The following MECOM variants were observed in gnomAD, a reference collection of about 807,000 sequenced individuals.
The protein encoded by MECOM is histone-lysine N-methyltransferase MECOM.
A neutral mutation model predicts 116.3 loss-of-function variants in MECOM; 13 were observed. That is an observed-to-expected ratio of 0.11 (90% CI 0.07 to 0.18). The LOEUF (loss-of-function observed/expected upper bound fraction) is 0.18. Ranked by LOEUF, MECOM falls within the 10% of genes least tolerant of loss-of-function variation. The pLI is 1.00. For missense variants in MECOM, 1,299 were observed against 1,509.0 expected (o/e 0.86, Z 2.31); for synonymous variants, 528 against 535.2 (o/e 0.99, Z 0.19).
chr3:169,590,984 GA>G (rs1232788004), intron 1 of MECOM, among the ~76,000 whole-genome samples: 1 of 152,220 alleles, frequency 6.6e-6, no homozygotes, highest in Non-Finnish European at 1.5e-5. Flanking sequence ...ATCTGCTTTA[GA>G]ATTGATGGAG....
chr3:169,429,542 A>G (rs1741261801), intron 1 of MECOM, among the ~76,000 whole-genome samples: 1 of 152,184 alleles, frequency 6.6e-6, no homozygotes, highest in Admixed American at 6.5e-5. Context: ...TGTTGCATGG[A>G]TGAGTAAACA....
At chr3:169,325,191 C>T (rs9854404) in intron 2 of MECOM, among the ~76,000 whole-genome samples, 26,343 of 152,136 alleles carry the variant, frequency 0.17, 2,757 homozygotes, top group Admixed American at 0.33. Context: ...AGGAGCACAG[C>T]TACGGGTCCG....
At chr3:169,511,740 G>A (rs1755993115) in intron 1 of MECOM, among the ~76,000 whole-genome samples, 1 of 151,810 alleles carries the variant, frequency 6.6e-6, no homozygotes, top group Non-Finnish European at 1.5e-5. Flanking sequence ...CTGCACTCCA[G>A]TCTGGGCAAC....
chr3:169,621,582 C>A (rs2109897345), intron 1 of MECOM, among the ~76,000 whole-genome samples: 1 of 152,236 alleles, frequency 6.6e-6, no homozygotes, highest in East Asian at 1.9e-4. Flanking sequence ...CATGGTGAAG[C>A]CCCATCTCCA....
chr3:169,292,924 G>C (rs1714860051), intron 2 of MECOM, among the ~76,000 whole-genome samples: 1 of 152,042 alleles, frequency 6.6e-6, no homozygotes, highest in Non-Finnish European at 1.5e-5. Flanking sequence ...GCTCATTAAG[G>C]CTCAATCACA....
intron 1 of MECOM, among the ~76,000 whole-genome samples, chr3:169,474,346 C>T (rs1201539496): frequency 6.6e-6 from 1 of 152,186 alleles, no homozygotes; most frequent in Non-Finnish European, 1.5e-5. Flanking sequence ...TTACCCAACA[C>T]CCCTATCATT....
intron 2 of MECOM, among the ~76,000 whole-genome samples, chr3:169,301,631 T>C (rs964178522): frequency 6.6e-6 from 1 of 152,192 alleles, no homozygotes; most frequent in African/African-American, 2.4e-5. Context: ...AATTAAAATT[T>C]TCCCCATTAC....
intron 2 of MECOM, among the ~76,000 whole-genome samples, chr3:169,311,593 A>T (rs928282821): frequency 6.6e-6 from 1 of 152,206 alleles, no homozygotes; most frequent in Non-Finnish European, 1.5e-5. Flanking sequence ...CACAGTTTAC[A>T]TAATACAGGA....
At chr3:169,627,904 C>T (rs1442250783) in intron 1 of MECOM, among the ~76,000 whole-genome samples, 6 of 152,146 alleles carry the variant, frequency 3.9e-5, no homozygotes, top group South Asian at 2.1e-4. Flanking sequence ...CGATTTACAC[C>T]GCAGATTTGA....
intron 2 of MECOM, among the ~76,000 whole-genome samples, chr3:169,366,665 C>T (rs1235542355): frequency 1.3e-5 from 2 of 151,976 alleles, no homozygotes; most frequent in African/African-American, 4.8e-5. Context: ...TGGCATCACA[C>T]ACCTGCTGAA....
chr3:169,182,746 G>A (rs980859994), intron 2 of MECOM, among the ~76,000 whole-genome samples: 3 of 152,230 alleles, frequency 2.0e-5, no homozygotes, highest in Admixed American at 6.5e-5. Flanking sequence ...TAATGGCAAC[G>A]TTACGGAAGC....
intron 1 of MECOM, among the ~76,000 whole-genome samples, chr3:169,497,219 TA>T (rs762893311): frequency 8.5e-5 from 13 of 152,192 alleles, no homozygotes; most frequent in African/African-American, 2.4e-5. Context: ...ATTCTTACCT[TA>T]TTATATTGTT....
At chr3:169,615,987 G>C (rs2109853071) in intron 1 of MECOM, among the ~76,000 whole-genome samples, 1 of 152,328 alleles carries the variant, frequency 6.6e-6, no homozygotes, top group East Asian at 1.9e-4. Flanking sequence ...CATTCCTGTT[G>C]GTGGCTCCTT....
intron 1 of MECOM, among the ~76,000 whole-genome samples, chr3:169,601,203 T>C (rs1447144900): frequency 6.6e-6 from 1 of 152,182 alleles, no homozygotes; most frequent in Admixed American, 6.5e-5. Context: ...TTATAAGCCT[T>C]TTCCCTGTGC....
chr3:169,621,426 A>C (rs1369072754), intron 1 of MECOM, among the ~76,000 whole-genome samples: 2 of 152,228 alleles, frequency 1.3e-5, no homozygotes, highest in Admixed American at 1.3e-4. Flanking sequence ...GTTGTAGAAT[A>C]GCTCTTTGAT....
At chr3:169,324,452 C>A (rs1039107286) in intron 2 of MECOM, among the ~76,000 whole-genome samples, 2 of 152,184 alleles carry the variant, frequency 1.3e-5, no homozygotes, top group African/African-American at 4.8e-5. Flanking sequence ...TCTGTCTTGT[C>A]AAAAACATTT....
intron 1 of MECOM, among the ~76,000 whole-genome samples, chr3:169,419,167 C>A (rs535815258): frequency 3.3e-5 from 5 of 152,104 alleles, no homozygotes; most frequent in African/African-American, 1.2e-4. Flanking sequence ...GAATAAAATA[C>A]GTAGAAATAC....
At chr3:169,224,073 C>T (rs375513732) in intron 2 of MECOM, among the ~76,000 whole-genome samples, 16 of 152,212 alleles carry the variant, frequency 1.1e-4, no homozygotes, top group East Asian at 7.7e-4. Flanking sequence ...GCCCCACTGA[C>T]GGGGGTGCCT....
At chr3:169,345,619 T>G (rs1725223672) in intron 2 of MECOM, among the ~76,000 whole-genome samples, 1 of 152,142 alleles carries the variant, frequency 6.6e-6, no homozygotes, top group Admixed American at 6.6e-5. Flanking sequence ...AGATTAATTC[T>G]GTGCTCCTGC....
Sources: allele counts gnomAD v4.1 joint callset (sites outside exome capture counted in the v4.1 genomes callset), GRCh38; gene constraint gnomAD v4.1.1; transcripts MANE v1.5; gene names NCBI Gene and HGNC (gene_info 2026-07-23, HGNC 2026-07-21).